The following CTCFL variants were observed in gnomAD, a reference collection of about 807,000 sequenced individuals.
The protein encoded by CTCFL is transcriptional repressor CTCFL.
CTCFL carries 36 observed loss-of-function variants against 67.4 expected under a neutral mutation model. The ratio of observed to expected loss-of-function variants is 0.53; its 90% confidence interval spans 0.41 to 0.71. The LOEUF (loss-of-function observed/expected upper bound fraction) is 0.71, where lower values mean the gene tolerates loss of function less well. Among genes scored for constraint, CTCFL ranks in the 30% least tolerant of loss-of-function variants. The pLI is 0.00. For missense variants in CTCFL, 786 were observed against 835.2 expected (o/e 0.94, Z 0.73); for synonymous variants, 324 against 302.3 (o/e 1.07, Z -0.75).
chr20:57,504,126 G>A (rs1377665650), intron 9 of CTCFL, among the ~76,000 whole-genome samples: 10 of 151,780 alleles, frequency 6.6e-5, no homozygotes, highest in East Asian at 3.9e-4. Flanking sequence ...ACAGGCACCC[G>A]TCACCACGCC....
intron 7 of CTCFL, chr20:57,513,140 T>C (rs763964291): frequency 8.7e-6 from 5 of 572,152 alleles, no homozygotes; most frequent in African/African-American, 4.1e-5. Flanking sequence ...AAAATGTTCA[T>C]TGAACAAAGC....
intron 9 of CTCFL, chr20:57,506,834 C>T (rs1379696119): frequency 1.0e-6 from 1 of 985,066 alleles, no homozygotes; most frequent in Non-Finnish European, 1.2e-6. Flanking sequence ...TAACTCTTCA[C>T]AATTTTTGCA....
chr20:57,503,369 G>A lies in CTCFL; in HGVS notation c.1840+67C>T, dbSNP rs956225894. The A allele has an allele frequency of 2.5e-6, 4 of 1,573,910 alleles. No individual in the cohort carries two copies. In the Admixed American group the frequency reaches 6.7e-5, roughly 27 times the overall value. On this transcript the variant is annotated intron_variant, in intron 10 of 10. Coordinates refer to ENST00000243914, the MANE Select transcript of CTCFL (RefSeq NM_001386993.1). ...CACATCCCCTGGACAGTAACACTCGGCACCCAGGATAGTCACAACCAGAAA... is the reference window on the plus strand; with the variant it reads ...CACATCCCCTGGACAGTAACACTCGACACCCAGGATAGTCACAACCAGAAA...
chr20:57,523,004 T>C, intron 3 of CTCFL, 64 bp downstream of exon 3: 2 of 1,287,904 alleles, frequency 1.6e-6, no homozygotes, highest in Non-Finnish European at 2.2e-6. Flanking sequence ...TACCATCACC[T>C]GCCCATAAAG....
Position 57,503,540 on chromosome 20 carries a change from C to T in CTCFL, c.1736G>A (p.Gly579Glu), listed in dbSNP as rs747858433. Residue 579 changes from glycine (G) to glutamate (E), a missense_variant, in exon 10 of 11, where the codon GGA becomes GAA. Physicochemically the swap from Gly to Glu is moderately conservative, Grantham distance 98. Coordinates refer to ENST00000243914, the MANE Select transcript of CTCFL (RefSeq NM_001386993.1). Reference protein sequence around the residue: ...GSGEAKSAASGKGRRTRKRKQ... With the variant: ...GSGEAKSAASEKGRRTRKRKQ... ...CCTCTTTCTTGTTCTTCTTCCCTTT[C>T]CTGAAGCAGCCGACTTTGCTTCCCC... The T allele has an allele frequency of 6.2e-7, 1 of 1,614,214 alleles. No homozygotes were observed. Among genetic ancestry groups the T allele is most frequent in the Non-Finnish European group, 8.5e-7 (1 of 1,180,034 alleles).
At chr20:57,524,278 T>C (rs2069677491) in intron 1 of CTCFL, 62 bp from the exon 2 acceptor site, 3 of 1,470,864 alleles carry the variant, frequency 2.0e-6, no homozygotes, top group Non-Finnish European at 9.1e-7. Context: ...TGAGGAGGGA[T>C]GCGGGGGGTG....
intron 10 of CTCFL, among the ~76,000 whole-genome samples, chr20:57,500,600 A>G (rs1164198178): frequency 6.6e-6 from 1 of 152,152 alleles, no homozygotes; most frequent in Non-Finnish European, 1.5e-5. Context: ...AGATTAAGTC[A>G]TATTTTTTGC....
intron 10 of CTCFL, among the ~76,000 whole-genome samples, chr20:57,500,717 A>G (rs894841767): frequency 2.0e-5 from 3 of 152,248 alleles, no homozygotes; most frequent in Non-Finnish European, 2.9e-5. Context: ...TTTTAAGCCT[A>G]TAAGAACCTT....
At chr20:57,510,908 C>T (rs928143752) in intron 8 of CTCFL, among the ~76,000 whole-genome samples, 1 of 152,124 alleles carries the variant, frequency 6.6e-6, no homozygotes, top group African/African-American at 2.4e-5. Flanking sequence ...TCTGCTCTTC[C>T]CTCAGTCCAC....
At chr20:57,522,117 G>A (rs943956823) in intron 3 of CTCFL, among the ~76,000 whole-genome samples, 6 of 152,284 alleles carry the variant, frequency 3.9e-5, no homozygotes, top group Non-Finnish European at 5.9e-5. Flanking sequence ...TGTACCAAAA[G>A]GCTGCAAACT....
At chr20:57,518,701 T>A (rs2069110837) in intron 5 of CTCFL, 57 bp downstream of exon 5, 1 of 1,613,766 alleles carries the variant, frequency 6.2e-7, no homozygotes, top group Admixed American at 1.7e-5. Flanking sequence ...TTGGAGTAAC[T>A]TGTACAGCAG....
intron 3 of CTCFL, among the ~76,000 whole-genome samples, chr20:57,522,820 T>G (rs1021274702): frequency 6.6e-6 from 1 of 152,218 alleles, no homozygotes; most frequent in African/African-American, 2.4e-5. Context: ...GGGCTTGGTC[T>G]TCTATGCTTA....
At chr20:57,514,822 T>A (rs896244366) in intron 6 of CTCFL, 81 bp from the exon 7 acceptor site, 5 of 1,491,848 alleles carry the variant, frequency 3.4e-6, no homozygotes, top group Non-Finnish European at 4.5e-6. Context: ...TGTTTTTTTT[T>A]TTTGCCCCAA....
At chr20:57,502,913 C>T (rs968913730) in intron 10 of CTCFL, among the ~76,000 whole-genome samples, 2 of 152,196 alleles carry the variant, frequency 1.3e-5, no homozygotes, top group African/African-American at 2.4e-5. Flanking sequence ...AGAAGGCCCA[C>T]ACACAGAAGA....
intron 9 of CTCFL, chr20:57,507,492 C>A: frequency 1.5e-6 from 1 of 679,976 alleles, no homozygotes; most frequent in South Asian, 1.5e-5. Flanking sequence ...GCCCCCACAG[C>A]TGGCTGTTGT....
rs201256695 is a variant in CTCFL at position 57,498,625 on chromosome 20, T to C, written c.1917A>G (p.Glu639=). The change falls in exon 11 of 11, where the codon GAA becomes GAG. Residue 639 remains glutamate (E), a synonymous_variant. Transcript: ENST00000243914. The stretch of plus-strand genomic sequence containing the variant: ...CTTCCTCTTTGACTCTGGCTGTGGT[T>C]TCTCTGCAGGCGACAGGAAACATCT... ...PGEMFPVACR[E]TTARVKEEVD... 70 of 1,614,170 alleles carry C rather than the reference T, an allele frequency of 4.3e-5. No homozygotes were observed. The East Asian group carries it at 6.7e-4, about 15-fold the overall frequency.
At chr20:57,511,772 T>C (rs1317021891) in intron 8 of CTCFL, among the ~76,000 whole-genome samples, 1 of 152,066 alleles carries the variant, frequency 6.6e-6, no homozygotes, top group Non-Finnish European at 1.5e-5. Context: ...TTGTATTTTT[T>C]AATAGAAACG....
intron 3 of CTCFL, among the ~76,000 whole-genome samples, chr20:57,520,057 G>T (rs1320190820): frequency 6.6e-6 from 1 of 152,180 alleles, no homozygotes; most frequent in African/African-American, 2.4e-5. Context: ...GATGATGCTG[G>T]TCTAGCACTG....
At chr20:57,509,695 G>A (rs1456219302) in intron 8 of CTCFL, among the ~76,000 whole-genome samples, 1 of 151,982 alleles carries the variant, frequency 6.6e-6, no homozygotes, top group Non-Finnish European at 1.5e-5. Context: ...ATATATATTC[G>A]GCCATTTCTG....
Sources: gnomAD v4.1 joint callset for allele counts (sites outside exome capture counted in the v4.1 genomes callset) on GRCh38, gnomAD v4.1.1 for gene constraint, MANE v1.5 for transcripts, NCBI Gene and HGNC (gene_info 2026-07-23, HGNC 2026-07-21) for gene names.